The following NR1H4 variants were observed in gnomAD, a reference collection of about 807,000 sequenced individuals.
NR1H4 encodes nuclear receptor subfamily 1 group H member 4.
NR1H4 carries 23 observed loss-of-function variants against 58.5 expected under a neutral mutation model. The ratio of observed to expected loss-of-function variants is 0.39; its 90% CI spans 0.28 to 0.56. The LOEUF (loss-of-function observed/expected upper bound fraction) is 0.56, where lower values mean the gene tolerates loss of function less well. Ranked by LOEUF, NR1H4 falls within the 20% of genes least tolerant of loss-of-function variation. The pLI, the probability that NR1H4 is intolerant of heterozygous loss-of-function variation, is 0.58. For synonymous variants in NR1H4, 214 were observed against 198.0 expected, an observed-to-expected ratio of 1.08 and a Z score of -0.68; for missense variants, 487 against 576.9, an observed-to-expected ratio of 0.84 and a Z score of 1.60.
In NR1H4 at chr12:100,532,556, T is replaced by C; in HGVS notation, c.544T>C (p.Cys182Arg). The C allele has an allele frequency of 6.2e-7, 1 of 1,613,954 alleles. No homozygotes were observed. The highest frequency in any genetic ancestry group is 8.5e-7 in the Non-Finnish European group (1 of 1,179,952). The change falls in exon 5 of 11, where the codon TGT becomes CGT. Residue 182 changes from cysteine to arginine, a missense_variant. Coordinates refer to ENST00000392986, the MANE Select transcript of NR1H4 (RefSeq NM_001206979.2). ...DMYMRRKCQECRLRKCKEMGM... is the reference protein window; with the variant it reads ...DMYMRRKCQERRLRKCKEMGM... ...GTACATGCGAAGAAAGTGTCAAGAG[T>C]GTCGACTAAGGAAATGCAAAGAGAT...
At chr12:100,519,558 T>G (rs1954359539) in intron 4 of NR1H4, among the ~76,000 whole-genome samples, 1 of 152,220 alleles carries the variant, frequency 6.6e-6, no homozygotes, top group African/African-American at 2.4e-5. Context: ...GGGTGGGTTC[T>G]GATGTTGCAT....
chr12:100,527,019 G>A (rs1660568348), intron 4 of NR1H4, among the ~76,000 whole-genome samples: 3 of 152,152 alleles, frequency 2.0e-5, no homozygotes, highest in Admixed American at 2.0e-4. Context: ...CAAGAAAAAA[G>A]CACACATAAA....
chr12:100,512,903 C>T (rs1326465721), intron 4 of NR1H4, among the ~76,000 whole-genome samples: 1 of 152,176 alleles, frequency 6.6e-6, no homozygotes, highest in Non-Finnish European at 1.5e-5. Context: ...AAGATCGGCT[C>T]AAGGACATTT....
chr12:100,536,381 T>C, intron 6 of NR1H4, 131 bp from the exon 7 acceptor site: 2 of 647,230 alleles, frequency 3.1e-6, no homozygotes, highest in Non-Finnish European at 2.8e-6. Flanking sequence ...TTAGAACTCA[T>C]AGTTCCTGCT....
intron 1 of NR1H4, among the ~76,000 whole-genome samples, 187 bp from the exon 2 acceptor site, chr12:100,492,316 A>T (rs967808048): frequency 6.6e-6 from 1 of 152,188 alleles, no homozygotes; most frequent in Non-Finnish European, 1.5e-5. Context: ...CTTATCCAAA[A>T]AACCCACTAT....
chr12:100,512,964 CT>C (rs2136166157), intron 4 of NR1H4, among the ~76,000 whole-genome samples: 1 of 152,286 alleles, frequency 6.6e-6, no homozygotes, highest in East Asian at 1.9e-4. Flanking sequence ...ACATTAGTCA[CT>C]TCTTAAAAAC....
intron 9 of NR1H4, among the ~76,000 whole-genome samples, chr12:100,541,699 AT>A (rs979679929): frequency 1.3e-5 from 2 of 148,442 alleles, no homozygotes; most frequent in Admixed American, 6.8e-5. Flanking sequence ...GGTTCAAGTG[AT>A]TTTTTTGTGC....
chr12:100,552,391 C>T (rs1372957695), intron 9 of NR1H4, among the ~76,000 whole-genome samples: 1 of 152,132 alleles, frequency 6.6e-6, no homozygotes, highest in Non-Finnish European at 1.5e-5. Flanking sequence ...GAGTATGGCA[C>T]AAATGACTCC....
chr12:100,504,723 A>G (rs1953917642), intron 3 of NR1H4, among the ~76,000 whole-genome samples: 1 of 152,202 alleles, frequency 6.6e-6, no homozygotes, highest in African/African-American at 2.4e-5. Flanking sequence ...AAGAAGTTCC[A>G]TGTCTTTCCC....
intron 8 of NR1H4, among the ~76,000 whole-genome samples, chr12:100,539,366 A>G (rs79992373): frequency 0.019 from 2,839 of 152,304 alleles, 72 homozygotes; most frequent in African/African-American, 0.056. Flanking sequence ...CATTCCATTC[A>G]GTATTCATTG....
chr12:100,528,833 C>T (rs977648693), intron 4 of NR1H4, among the ~76,000 whole-genome samples: 2 of 152,134 alleles, frequency 1.3e-5, no homozygotes, highest in Non-Finnish European at 2.9e-5. Flanking sequence ...TCCTTTGACT[C>T]ATCTTGGAAG....
At chr12:100,546,681 T>C (rs539169785) in intron 9 of NR1H4, among the ~76,000 whole-genome samples, 2 of 151,796 alleles carry the variant, frequency 1.3e-5, no homozygotes, top group East Asian at 1.9e-4. Context: ...GGTGACAGAG[T>C]GAGACTCTGT....
chr12:100,561,314 C>T (rs1245843968), intron 9 of NR1H4, among the ~76,000 whole-genome samples: 2 of 152,176 alleles, frequency 1.3e-5, no homozygotes, highest in South Asian at 2.1e-4. Context: ...AGGAGAATGG[C>T]GGGAACCCGG....
intron 1 of NR1H4, among the ~76,000 whole-genome samples, chr12:100,481,838 C>T (rs570071406): frequency 1.3e-5 from 2 of 152,082 alleles, no homozygotes; most frequent in East Asian, 3.9e-4. Flanking sequence ...GGTGTGAACC[C>T]AGGAGGCGGA....
chr12:100,543,018 GA>G (rs1275519259), intron 9 of NR1H4, among the ~76,000 whole-genome samples: 3 of 152,100 alleles, frequency 2.0e-5, no homozygotes, highest in Non-Finnish European at 4.4e-5. Flanking sequence ...ATATGGAAGA[GA>G]AAAACAGAGA....
intron 9 of NR1H4, 89 bp downstream of exon 9, chr12:100,540,907 C>A: frequency 8.0e-7 from 1 of 1,254,594 alleles, no homozygotes; most frequent in Non-Finnish European, 1.2e-6. Context: ...CAATCTTATG[C>A]AATGTTATAT....
At chr12:100,542,053 A>C (rs1176097044) in intron 9 of NR1H4, among the ~76,000 whole-genome samples, 1 of 152,176 alleles carries the variant, frequency 6.6e-6, no homozygotes, top group Non-Finnish European at 1.5e-5. Flanking sequence ...TGACTTCAGA[A>C]GCTTTGTGTC....
chr12:100,544,868 A>G (rs906958679), intron 9 of NR1H4, among the ~76,000 whole-genome samples: 2 of 152,156 alleles, frequency 1.3e-5, no homozygotes, highest in Non-Finnish European at 1.5e-5. Context: ...TGGGGAACAG[A>G]TATCTTTTTT....
intron 4 of NR1H4, among the ~76,000 whole-genome samples, chr12:100,517,453 C>T (rs767442770): frequency 6.6e-6 from 1 of 152,142 alleles, no homozygotes; most frequent in African/African-American, 2.4e-5. Flanking sequence ...TTAGGTTGAT[C>T]CCCTATCTTG....
Sources: allele counts gnomAD v4.1 joint callset (sites outside exome capture counted in the v4.1 genomes callset), GRCh38; gene constraint gnomAD v4.1.1; transcripts MANE v1.5; gene names NCBI Gene and HGNC (gene_info 2026-07-23, HGNC 2026-07-21).